RCBTB1: variants seen among roughly 807,000 people sequenced by gnomAD.
RCBTB1 encodes RCC1 and BTB domain containing protein 1.
Under a neutral mutation model 62.4 loss-of-function variants are expected in RCBTB1, and 46 were observed. The observed-to-expected ratio is 0.74, with a 90% CI of 0.58 to 0.94. RCBTB1 has a LOEUF of 0.94. RCBTB1 is among the 40% of genes least tolerant of loss of function. The pLI is 0.00. For missense variants in RCBTB1, 565 were observed against 654.9 expected, an observed-to-expected ratio of 0.86 and a Z score of 1.50; for synonymous variants, 222 against 245.8, an observed-to-expected ratio of 0.90 and a Z score of 0.91.
intron 1 of RCBTB1, among the ~76,000 whole-genome samples, chr13:49,584,787 T>C (rs1964300549): frequency 6.6e-6 from 1 of 152,138 alleles, no homozygotes; most frequent in African/African-American, 2.4e-5. Context: ...TGAAAGTGTC[T>C]TACATGCAAA....
intron 4 of RCBTB1, among the ~76,000 whole-genome samples, chr13:49,562,514 C>CAAAAAAA (rs55875979): frequency 8.7e-6 from 1 of 115,334 alleles, no homozygotes. Context: ...GACCCTGTCT[C>CAAAAAAA]AAAAAAAAAA....
Position 49,567,260 on chromosome 13 carries a change from C to A in RCBTB1, c.20G>T (p.Trp7Leu). The A allele has an allele frequency of 6.2e-7, 1 of 1,613,958 alleles. No individual in the cohort carries two copies. The highest frequency in any genetic ancestry group is 1.3e-5 in the African/African-American group (1 of 75,018). Residue 7 changes from tryptophan (W) to leucine (L), a missense_variant, in exon 3 of 13, where the codon TGG (tryptophan) becomes TTG (leucine). Trp to Leu is a moderately conservative substitution (Grantham distance 61, BLOSUM62 -2). Transcript: ENST00000378302. MVDVGK[W>L]PIFTLLSPQE... The stretch of plus-strand genomic sequence containing the variant: ...AGGGGAGAGTAGAGTGAAGATGGGC[C>A]ACTTTCCGACATCCACCATGACTCT...
intron 9 of RCBTB1, chr13:49,547,159 A>G: frequency 8.0e-7 from 1 of 1,253,714 alleles, no homozygotes; most frequent in Non-Finnish European, 1.0e-6. Context: ...TTATTTTCCA[A>G]TCACAATACT....
intron 2 of RCBTB1, among the ~76,000 whole-genome samples, chr13:49,575,573 C>A (rs908645447): frequency 6.6e-6 from 1 of 152,028 alleles, no homozygotes; most frequent in African/African-American, 2.4e-5. Context: ...TACTACATGG[C>A]CATAAAGAAG....
chr13:49,560,225 A>G, intron 4 of RCBTB1, 141 bp from the exon 5 acceptor site: 1 of 828,220 alleles, frequency 1.2e-6, no homozygotes, highest in South Asian at 1.9e-5. Flanking sequence ...GTAACCATGG[A>G]CAGAGTAAAG....
chr13:49,533,678 G>T lies in RCBTB1; in HGVS notation c.*444C>A, dbSNP rs916258335. 1.3e-5 allele frequency: 2 copies of T among 153,078 alleles called. No individual in the cohort carries two copies. The highest frequency in any genetic ancestry group is 4.8e-5 in the African/African-American group (2 of 41,424). 9.5% of individuals were successfully genotyped at this position (153,078 alleles called of 1,614,324 possible). On this transcript the variant is annotated 3_prime_UTR_variant, in exon 13 of 13. Transcript: ENST00000378302. The stretch of plus-strand genomic sequence containing the variant: ...TAAGGCAGCACTTAACAATCCCCAG[G>T]TCAGCATCTTTAATTCACGATGGGG...
chr13:49,568,185 G>A (rs531155128), intron 2 of RCBTB1, among the ~76,000 whole-genome samples: 11 of 152,210 alleles, frequency 7.2e-5, no homozygotes, highest in African/African-American at 2.6e-4. Context: ...CTACTTAACA[G>A]TACATCGGGG....
intron 2 of RCBTB1, among the ~76,000 whole-genome samples, chr13:49,570,326 C>T (rs1963314215): frequency 6.6e-6 from 1 of 152,204 alleles, no homozygotes; most frequent in African/African-American, 2.4e-5. Context: ...TACGCACTGA[C>T]TTCACCCAGT....
chr13:49,565,047 G>T (rs1446908890), intron 4 of RCBTB1, among the ~76,000 whole-genome samples: 2 of 150,710 alleles, frequency 1.3e-5, no homozygotes, highest in Non-Finnish European at 2.9e-5. Flanking sequence ...TCTTTCCACG[G>T]TCTCCCTCTG....
rs531830199 is a variant in RCBTB1 at position 49,541,314 on chromosome 13, A to G, written c.1325-308T>C. Reference sequence around the variant, plus strand: ...TATACTTCACTACTAGAAAATTAAAATAAGCCCATAGCTTAATACCTAGGT... The same window carrying G: ...TATACTTCACTACTAGAAAATTAAAGTAAGCCCATAGCTTAATACCTAGGT... On this transcript the variant is annotated intron_variant, in intron 11 of 12. Coordinates refer to ENST00000378302, the MANE Select transcript of RCBTB1 (RefSeq NM_018191.4). Among the ~76,000 whole-genome samples the G allele has an allele frequency of 3.9e-5, 6 of 152,318 alleles. No homozygotes were observed. The East Asian group carries it at 7.7e-4, about 20-fold the overall frequency.
chr13:49,571,449 C>G (rs1489596490), intron 2 of RCBTB1, among the ~76,000 whole-genome samples: 1 of 152,218 alleles, frequency 6.6e-6, no homozygotes, highest in Non-Finnish European at 1.5e-5. Flanking sequence ...TATTCCTGCA[C>G]TTTTGCATCA....
intron 6 of RCBTB1, among the ~76,000 whole-genome samples, chr13:49,554,684 CACA>C (rs1961695980): frequency 6.6e-6 from 1 of 152,132 alleles, no homozygotes; most frequent in African/African-American, 2.4e-5. Context: ...TTGTGAACTG[CACA>C]ACAAGGCATC....
chr13:49,557,235 C>T (rs73495237), intron 5 of RCBTB1, among the ~76,000 whole-genome samples: 4,681 of 152,102 alleles, frequency 0.031, 273 homozygotes, highest in African/African-American at 0.11. Flanking sequence ...ACTGGACAGA[C>T]GGATCAACTT....
chr13:49,541,609 G>A, intron 11 of RCBTB1, 67 bp downstream of exon 11: 4 of 1,444,294 alleles, frequency 2.8e-6, no homozygotes, highest in Non-Finnish European at 3.7e-6. Context: ...TTACATTTCA[G>A]GACTAAGAAT....
intron 12 of RCBTB1, among the ~76,000 whole-genome samples, chr13:49,538,774 T>C (rs200635053): frequency 7.8e-4 from 92 of 118,500 alleles, no homozygotes; most frequent in East Asian, 3.1e-3. Context: ...CACACACACA[T>C]ATATATATAT....
At chr13:49,549,303 T>C (rs1353607955) in intron 9 of RCBTB1, among the ~76,000 whole-genome samples, 155 bp downstream of exon 9, 2 of 152,042 alleles carry the variant, frequency 1.3e-5, no homozygotes, top group South Asian at 4.2e-4. Context: ...AATATATGAA[T>C]ACATTTGATT....
chr13:49,538,432 C>CT (rs1960089664), intron 12 of RCBTB1, among the ~76,000 whole-genome samples: 1 of 152,150 alleles, frequency 6.6e-6, no homozygotes, highest in African/African-American at 2.4e-5. Context: ...AGAAAGAGGC[C>CT]TGGCGCAGTG....
At chr13:49,562,268 A>T (rs957174333) in intron 4 of RCBTB1, among the ~76,000 whole-genome samples, 1 of 152,182 alleles carries the variant, frequency 6.6e-6, no homozygotes, top group African/African-American at 2.4e-5. Flanking sequence ...ATTTGACATA[A>T]GCGTTGTAAG....
intron 6 of RCBTB1, 94 bp downstream of exon 6, chr13:49,555,421 T>C: frequency 9.2e-7 from 1 of 1,081,698 alleles, no homozygotes; most frequent in Non-Finnish European, 1.4e-6. Context: ...CAAAGCACTC[T>C]TCCTTCTTCC....
Sources: gnomAD v4.1 joint callset for allele counts (sites outside exome capture counted in the v4.1 genomes callset) on GRCh38, gnomAD v4.1.1 for gene constraint, MANE v1.5 for transcripts, NCBI Gene and HGNC (gene_info 2026-07-23, HGNC 2026-07-21) for gene names.